KCND2: variants seen among roughly 807,000 people sequenced by gnomAD.
KCND2 encodes potassium voltage-gated channel subfamily D member 2, also known as A-type voltage-gated potassium channel KCND2.
A neutral mutation model predicts 54.4 loss-of-function variants in KCND2; 16 were observed. The observed-to-expected ratio is 0.29, with a 90% CI of 0.20 to 0.45. The LOEUF (loss-of-function observed/expected upper bound fraction) is 0.45, where lower values mean the gene tolerates loss of function less well. KCND2 is among the 20% of genes least tolerant of loss of function. KCND2 has a pLI of 1.00. For synonymous variants in KCND2, 317 were observed against 310.7 expected (o/e 1.02, Z -0.21); for missense variants, 486 against 824.2 (o/e 0.59, Z 5.02).
chr7:120,663,631 A>G (rs567890614), intron 1 of KCND2, among the ~76,000 whole-genome samples: 133 of 152,276 alleles, frequency 8.7e-4, no homozygotes, highest in African/African-American at 3.1e-3. Context: ...ACCAATCTAT[A>G]TTTATAGTTC....
intron 1 of KCND2, among the ~76,000 whole-genome samples, chr7:120,579,923 T>C (rs1792493970): frequency 6.6e-6 from 1 of 152,178 alleles, no homozygotes; most frequent in Non-Finnish European, 1.5e-5. Context: ...GAGCATATGT[T>C]GGAGAGCTGG....
intron 1 of KCND2, among the ~76,000 whole-genome samples, chr7:120,582,207 TTCC>T (rs766928238): frequency 6.6e-6 from 1 of 152,164 alleles, no homozygotes; most frequent in Non-Finnish European, 1.5e-5. Flanking sequence ...TGTTAATCAC[TTCC>T]TCCTCGCTGT....
At chr7:120,556,835 G>T (rs1792171973) in intron 1 of KCND2, among the ~76,000 whole-genome samples, 1 of 152,198 alleles carries the variant, frequency 6.6e-6, no homozygotes, top group Non-Finnish European at 1.5e-5. Flanking sequence ...TAAGGAATTT[G>T]TGATGCATTA....
chr7:120,747,737 C>T lies in KCND2; in HGVS notation c.1772C>T (p.Pro591Leu). 6.2e-7 allele frequency: 1 copy of T among 1,612,566 alleles called. No homozygotes were observed. Among genetic ancestry groups the T allele is most frequent in the Non-Finnish European group, 8.5e-7 (1 of 1,178,998 alleles). Reference protein sequence around the residue: ...EECVKLNCEQPYVTTAIISIP... With the variant: ...EECVKLNCEQLYVTTAIISIP... ...TGTGTTAAACTAAACTGTGAACAAC[C>T]TTATGTGACTACAGCAATAATAAGC... The change falls in exon 6 of 6, where the codon CCT becomes CTT. Residue 591 changes from proline (P) to leucine (L), a missense_variant. Transcript: ENST00000331113.
chr7:120,338,201 A>G (rs1240017881), intron 1 of KCND2, among the ~76,000 whole-genome samples: 1 of 152,176 alleles, frequency 6.6e-6, no homozygotes, highest in East Asian at 1.9e-4. Context: ...GTGGTACGCT[A>G]ATCACAAGTT....
chr7:120,607,105 G>T (rs900743387), intron 1 of KCND2, among the ~76,000 whole-genome samples: 1 of 152,092 alleles, frequency 6.6e-6, no homozygotes, highest in African/African-American at 2.4e-5. Flanking sequence ...GGTTTTTAAG[G>T]CTCCTAGGGA....
intron 1 of KCND2, among the ~76,000 whole-genome samples, chr7:120,710,639 C>T (rs1165063414): frequency 1.3e-5 from 2 of 152,042 alleles, no homozygotes; most frequent in Non-Finnish European, 2.9e-5. Context: ...TATTTACCAT[C>T]ACAGTTTGGA....
intron 1 of KCND2, among the ~76,000 whole-genome samples, chr7:120,338,086 A>G (rs1282808842): frequency 6.6e-6 from 1 of 152,086 alleles, no homozygotes; most frequent in Non-Finnish European, 1.5e-5. Flanking sequence ...GGGTACTTAG[A>G]TGTTTGTTAT....
At chr7:120,469,373 A>C (rs564882984) in intron 1 of KCND2, among the ~76,000 whole-genome samples, 1 of 152,164 alleles carries the variant, frequency 6.6e-6, no homozygotes, top group South Asian at 2.1e-4. Flanking sequence ...AGTGTTACAT[A>C]TAATTTCATC....
intron 1 of KCND2, among the ~76,000 whole-genome samples, chr7:120,566,131 G>C (rs919679468): frequency 6.6e-6 from 1 of 152,118 alleles, no homozygotes; most frequent in South Asian, 2.1e-4. Flanking sequence ...ACTGACATAT[G>C]TATGTCAACT....
At chr7:120,433,980 T>G (rs946506407) in intron 1 of KCND2, among the ~76,000 whole-genome samples, 20 of 152,220 alleles carry the variant, frequency 1.3e-4, no homozygotes, top group Non-Finnish European at 2.1e-4. Context: ...CTCCTTGCAA[T>G]TAGCACAATA....
At chr7:120,735,470 T>C (rs143527954) in intron 2 of KCND2, among the ~76,000 whole-genome samples, 1 of 152,218 alleles carries the variant, frequency 6.6e-6, no homozygotes, top group African/African-American at 2.4e-5. Flanking sequence ...GTATGAAAAC[T>C]ATAGAAAGCA....
intron 1 of KCND2, among the ~76,000 whole-genome samples, chr7:120,474,010 T>C (rs1254397931): frequency 2.0e-5 from 3 of 152,190 alleles, no homozygotes; most frequent in East Asian, 1.9e-4. Flanking sequence ...AGTGGTGTAA[T>C]TGGTAATGTG....
At chr7:120,584,760 G>A (rs73721425) in intron 1 of KCND2, among the ~76,000 whole-genome samples, 115 of 152,242 alleles carry the variant, frequency 7.6e-4, no homozygotes, top group African/African-American at 2.6e-3. Flanking sequence ...GCACACACAC[G>A]CATGCGCGTG....
At chr7:120,322,992 G>A (rs572723642) in intron 1 of KCND2, among the ~76,000 whole-genome samples, 20 of 152,204 alleles carry the variant, frequency 1.3e-4, no homozygotes, top group African/African-American at 4.6e-4. Flanking sequence ...GCACAATGAT[G>A]TTTTGTTTTT....
intron 1 of KCND2, chr7:120,672,871 C>T (rs1792009849): frequency 6.6e-6 from 1 of 152,112 alleles, no homozygotes; most frequent in South Asian, 2.1e-4. Flanking sequence ...AATTTCTGCT[C>T]TCTTTGGCAG....
At chr7:120,493,255 C>T (rs1428531531) in intron 1 of KCND2, among the ~76,000 whole-genome samples, 1 of 151,472 alleles carries the variant, frequency 6.6e-6, no homozygotes. Context: ...CCACACACTT[C>T]CCTACTCTAT....
At chr7:120,401,062 G>C (rs1191404784) in intron 1 of KCND2, among the ~76,000 whole-genome samples, 1 of 152,068 alleles carries the variant, frequency 6.6e-6, no homozygotes, top group East Asian at 1.9e-4. Context: ...TGAGTAGAAG[G>C]TAAAAGACAA....
chr7:120,682,203 A>G (rs561806929), intron 1 of KCND2, among the ~76,000 whole-genome samples: 1 of 152,140 alleles, frequency 6.6e-6, no homozygotes, highest in South Asian at 2.1e-4. Flanking sequence ...CAAGATTTTT[A>G]TGTTTTCTCT....
Sources: gnomAD v4.1 joint callset for allele counts (sites outside exome capture counted in the v4.1 genomes callset) on GRCh38, gnomAD v4.1.1 for gene constraint, MANE v1.5 for transcripts, NCBI Gene and HGNC (gene_info 2026-07-23, HGNC 2026-07-21) for gene names.